Variants in CEP112 observed in about 807,000 individuals in gnomAD.
The protein encoded by CEP112 is centrosomal protein 112.
CEP112 carries 127 observed loss-of-function variants against 153.0 expected under a neutral mutation model. The ratio of observed to expected loss-of-function variants is 0.83; its 90% confidence interval spans 0.72 to 0.96. The LOEUF is 0.96. Among genes scored for constraint, CEP112 ranks in the 40% least tolerant of loss-of-function variants. CEP112 has a pLI of 0.00. For synonymous variants in CEP112, 358 were observed against 374.4 expected, an observed-to-expected ratio of 0.96 and a Z score of 0.51; for missense variants, 1,089 against 1,101.2, an observed-to-expected ratio of 0.99 and a Z score of 0.16.
intron 20 of CEP112, among the ~76,000 whole-genome samples, chr17:65,898,648 CTG>C: frequency 6.6e-6 from 1 of 152,260 alleles, no homozygotes; most frequent in Non-Finnish European, 1.5e-5. Context: ...GCAAGAGCCA[CTG>C]TACTATATGC....
chr17:65,983,547 C>A (rs561700252), intron 17 of CEP112, among the ~76,000 whole-genome samples: 14 of 152,198 alleles, frequency 9.2e-5, no homozygotes, highest in South Asian at 6.2e-4. Flanking sequence ...TGGGTTCTCA[C>A]TCTATTGGTT....
intron 23 of CEP112, among the ~76,000 whole-genome samples, chr17:65,692,007 G>A (rs1018583520): frequency 1.3e-5 from 2 of 152,174 alleles, no homozygotes; most frequent in Admixed American, 6.5e-5. Context: ...CTCCAGCCAC[G>A]CTGTGCCGTA....
At chr17:66,148,779 A>G (rs1461895919) in intron 4 of CEP112, among the ~76,000 whole-genome samples, 3 of 152,178 alleles carry the variant, frequency 2.0e-5, no homozygotes, top group Admixed American at 1.3e-4. Flanking sequence ...TTCTACATAT[A>G]AGATCATGTC....
intron 23 of CEP112, among the ~76,000 whole-genome samples, chr17:65,731,839 A>C (rs2050524803): frequency 6.6e-6 from 1 of 152,216 alleles, no homozygotes; most frequent in Non-Finnish European, 1.5e-5. Context: ...TTTGGTCATG[A>C]GGTTGCAGCA....
intron 4 of CEP112, among the ~76,000 whole-genome samples, chr17:66,147,388 A>G (rs570586072): frequency 2.0e-5 from 3 of 152,084 alleles, no homozygotes; most frequent in African/African-American, 7.2e-5. Flanking sequence ...CATATTCGGG[A>G]TATTAACCCC....
intron 13 of CEP112, 97 bp from the exon 14 acceptor site, chr17:66,029,349 A>C: frequency 1.0e-6 from 1 of 1,001,454 alleles, no homozygotes; most frequent in East Asian, 2.7e-5. Context: ...ATTTCCATTC[A>C]ATATATTAAA....
chr17:66,184,124 G>A (rs2072831364), intron 1 of CEP112, among the ~76,000 whole-genome samples: 1 of 152,020 alleles, frequency 6.6e-6, no homozygotes, highest in South Asian at 2.1e-4. Flanking sequence ...AGGTGTAGTG[G>A]CACGTACCTG....
chr17:66,150,345 G>A (rs952091567), intron 4 of CEP112, among the ~76,000 whole-genome samples: 1 of 149,910 alleles, frequency 6.7e-6, no homozygotes, highest in Admixed American at 6.7e-5. Context: ...CTACAGACAT[G>A]TGCCACCATG....
intron 4 of CEP112, among the ~76,000 whole-genome samples, chr17:66,145,557 G>C (rs2070885544): frequency 6.6e-6 from 1 of 152,012 alleles, no homozygotes; most frequent in African/African-American, 2.4e-5. Context: ...TGGATATTCA[G>C]TTCTTACAGC....
chr17:65,645,257 C>G (rs918224288), intron 24 of CEP112, among the ~76,000 whole-genome samples: 1 of 152,044 alleles, frequency 6.6e-6, no homozygotes. Context: ...TATTTTGAGA[C>G]AGGGTCTTGC....
At position 65,821,496 on chromosome 17, in the gene CEP112, TTA is replaced by T. The variant is rs538859013; in HGVS notation, c.2394+30306_2394+30307del. ...CAAATTATTAAACTTATATATATAA[TTA>T]TATATATATATATAATTATATATAT... On this transcript the variant is annotated intron_variant, in intron 21 of 26. Coordinates refer to ENST00000535342, the MANE Select transcript of CEP112 (RefSeq NM_001199165.4). Among the ~76,000 whole-genome samples the T allele has an allele frequency of 6.7e-3, 816 of 121,398 alleles. 12 individuals carry two copies. Among genetic ancestry groups the T allele is most frequent in the African/African-American group, 0.021 (666 of 31,218 alleles). The allele number at this position is 121,398 out of a possible 152,430, so 79.6% of individuals were successfully genotyped here.
chr17:66,187,760 CTT>C (rs755253577), intron 1 of CEP112, among the ~76,000 whole-genome samples: 1 of 152,210 alleles, frequency 6.6e-6, no homozygotes, highest in Non-Finnish European at 1.5e-5. Flanking sequence ...TCCAGCCTCT[CTT>C]TGCAACTCCA....
intron 8 of CEP112, among the ~76,000 whole-genome samples, chr17:66,084,771 C>A (rs60078444): frequency 0.015 from 2,185 of 147,816 alleles, 49 homozygotes; most frequent in African/African-American, 0.051. Context: ...TGACTACAGT[C>A]AAAAAAAAAA....
chr17:66,085,402 C>A (rs943333083), intron 8 of CEP112, among the ~76,000 whole-genome samples: 3 of 152,134 alleles, frequency 2.0e-5, no homozygotes, highest in South Asian at 2.1e-4. Flanking sequence ...AACTTGTCAA[C>A]GTCAATCTAA....
intron 23 of CEP112, among the ~76,000 whole-genome samples, chr17:65,722,274 A>G (rs1335953251): frequency 6.6e-6 from 1 of 151,584 alleles, no homozygotes; most frequent in Non-Finnish European, 1.5e-5. Flanking sequence ...TTTGAGATAG[A>G]GTCTCCCTTT....
intron 21 of CEP112, among the ~76,000 whole-genome samples, chr17:65,797,744 T>G (rs578174427): frequency 1.3e-3 from 193 of 152,326 alleles, no homozygotes; most frequent in Admixed American, 2.5e-3. Context: ...CTGGTTAAGT[T>G]TGAAGAGGAT....
chr17:66,135,954 C>G (rs1421643842), intron 4 of CEP112, among the ~76,000 whole-genome samples: 3 of 152,082 alleles, frequency 2.0e-5, no homozygotes, highest in Non-Finnish European at 2.9e-5. Context: ...GTCAGCAAGA[C>G]TCTCCTTCTC....
intron 19 of CEP112, among the ~76,000 whole-genome samples, chr17:65,905,201 CT>C (rs1217489706): frequency 1.3e-5 from 2 of 152,036 alleles, no homozygotes; most frequent in Non-Finnish European, 2.9e-5. Flanking sequence ...TGCAATCTAT[CT>C]ATCTGAGAAA....
intron 21 of CEP112, among the ~76,000 whole-genome samples, chr17:65,753,946 C>G (rs769079989): frequency 6.6e-6 from 1 of 152,130 alleles, no homozygotes; most frequent in African/African-American, 2.4e-5. Flanking sequence ...CAATGAAGCT[C>G]CTTTATAACT....
Sources: gnomAD v4.1 joint callset for allele counts (sites outside exome capture counted in the v4.1 genomes callset) on GRCh38, gnomAD v4.1.1 for gene constraint, MANE v1.5 for transcripts, NCBI Gene and HGNC (gene_info 2026-07-23, HGNC 2026-07-21) for gene names.